SEMA6D: variants seen among roughly 807,000 people sequenced by gnomAD.
SEMA6D encodes semaphorin 6D, also known as semaphorin-6D.
SEMA6D carries 35 observed loss-of-function variants against 106.6 expected under a neutral mutation model. The observed-to-expected ratio is 0.33, with a 90% CI of 0.25 to 0.44. SEMA6D has a LOEUF of 0.44. Among genes scored for constraint, SEMA6D ranks in the 20% least tolerant of loss-of-function variants. SEMA6D has a pLI of 1.00. For missense variants in SEMA6D, 1,185 were observed against 1,345.9 expected (o/e 0.88, Z 1.87); for synonymous variants, 499 against 487.7 (o/e 1.02, Z -0.31).
rs2045205211 is a variant in SEMA6D at position 47,537,424 on chromosome 15, C to G, written c.-86-63441C>G. On this transcript the variant is annotated intron_variant, in intron 3 of 19. Coordinates refer to the SEMA6D transcript ENST00000558014. The stretch of plus-strand genomic sequence containing the variant: ...CAGGCTAAGTGGGAAGCAGTGCCTC[C>G]CTCTGCTTAGCTGAGGTGGCACTTA... Among the ~76,000 whole-genome samples the G allele has an allele frequency of 2.6e-5, 4 of 152,242 alleles. No individual in the cohort carries two copies. In the South Asian group the frequency reaches 8.3e-4, roughly 32 times the overall value.
At chr15:47,379,285 A>G (rs921448655) in intron 1 of SEMA6D, among the ~76,000 whole-genome samples, 6 of 152,236 alleles carry the variant, frequency 3.9e-5, no homozygotes, top group African/African-American at 1.4e-4. Context: ...GAAGGAAGAT[A>G]TCTGTGTATA....
chr15:47,398,108 G>A (rs2040278758), intron 1 of SEMA6D, among the ~76,000 whole-genome samples: 1 of 152,140 alleles, frequency 6.6e-6, no homozygotes, highest in Non-Finnish European at 1.5e-5. Context: ...CCAAGCCATA[G>A]CATTTGTGAC....
chr15:47,575,677 C>A (rs1252383413), intron 3 of SEMA6D, among the ~76,000 whole-genome samples: 1 of 152,070 alleles, frequency 6.6e-6, no homozygotes. Context: ...TGAGATTGCG[C>A]CACTGCACTC....
At chr15:47,429,397 A>T (rs894531652) in intron 2 of SEMA6D, among the ~76,000 whole-genome samples, 3 of 152,184 alleles carry the variant, frequency 2.0e-5, no homozygotes, top group African/African-American at 7.2e-5. Flanking sequence ...TTGTTATTAC[A>T]TATGGAAATG....
Position 47,761,313 on chromosome 15 carries a change from A to G in SEMA6D, c.346-17A>G. 2 of 1,610,676 alleles carry G rather than the reference A, an allele frequency of 1.2e-6. No individual in the cohort carries two copies. Among genetic ancestry groups the G allele is most frequent in the Non-Finnish European group, 1.7e-6 (2 of 1,178,064 alleles). ...TGTTCAAATGTCTAATATTAATGTAACTACTACTTTCTTTAGGATGAATGC... is the reference window on the plus strand; with the variant it reads ...TGTTCAAATGTCTAATATTAATGTAGCTACTACTTTCTTTAGGATGAATGC... On this transcript the variant is annotated splice_polypyrimidine_tract_variant and intron_variant, in intron 5 of 18. Transcript: ENST00000536845.
chr15:47,579,055 G>A (rs1481328800), intron 3 of SEMA6D, among the ~76,000 whole-genome samples: 1 of 152,106 alleles, frequency 6.6e-6, no homozygotes, highest in Admixed American at 6.5e-5. Context: ...TCTCACTGTG[G>A]TGTACATATG....
intron 2 of SEMA6D, among the ~76,000 whole-genome samples, chr15:47,420,963 T>A (rs758274181): frequency 7.9e-5 from 12 of 152,128 alleles, no homozygotes; most frequent in Non-Finnish European, 1.5e-4. Flanking sequence ...GGGGTTATCA[T>A]GAAGCATAAA....
chr15:47,547,451 G>T (rs1356722268), intron 3 of SEMA6D, among the ~76,000 whole-genome samples: 2 of 152,082 alleles, frequency 1.3e-5, no homozygotes, highest in Non-Finnish European at 2.9e-5. Context: ...TAATTTTTGT[G>T]AAATATCTCA....
At chr15:47,423,601 A>T (rs1014646350) in intron 2 of SEMA6D, among the ~76,000 whole-genome samples, 9 of 152,240 alleles carry the variant, frequency 5.9e-5, no homozygotes, top group East Asian at 5.8e-4. Context: ...AATACATAGG[A>T]TAAAGAAATC....
rs138020315 is a variant in SEMA6D, at chr15:47,598,204, A to G, written c.-86-2661A>G. Reference sequence around the variant, plus strand: ...TTCCATTTATGCAAACTGTATGTCTATTGGAAAAGGCCATTCCACACTCAA... The same window carrying G: ...TTCCATTTATGCAAACTGTATGTCTGTTGGAAAAGGCCATTCCACACTCAA... On this transcript the variant is annotated intron_variant, in intron 3 of 19. Transcript: ENST00000558014. Among the ~76,000 whole-genome samples, 99 of 152,176 alleles carry G rather than the reference A, an allele frequency of 6.5e-4. 1 individual carries two copies. Among genetic ancestry groups the G allele is most frequent in the Middle Eastern group, 6.8e-3 (2 of 294 alleles).
chr15:47,461,238 A>G (rs910047096), intron 2 of SEMA6D, among the ~76,000 whole-genome samples: 2 of 151,890 alleles, frequency 1.3e-5, no homozygotes, highest in African/African-American at 4.8e-5. Context: ...CCTGCACCTC[A>G]TCATCTCATC....
At chr15:47,238,545 T>G (rs891017768) in intron 1 of SEMA6D, among the ~76,000 whole-genome samples, 2 of 152,162 alleles carry the variant, frequency 1.3e-5, no homozygotes, top group Non-Finnish European at 2.9e-5. Flanking sequence ...TCCAATAGAT[T>G]GTGCTTTCCT....
chr15:47,680,401 T>G (rs2078329537), intron 4 of SEMA6D, among the ~76,000 whole-genome samples: 1 of 152,196 alleles, frequency 6.6e-6, no homozygotes, highest in Non-Finnish European at 1.5e-5. Flanking sequence ...TGAATCCTGC[T>G]CTGAGCCAAA....
chr15:47,697,315 A>G (rs1345339919), intron 4 of SEMA6D, among the ~76,000 whole-genome samples: 1 of 152,158 alleles, frequency 6.6e-6, no homozygotes, highest in African/African-American at 2.4e-5. Flanking sequence ...CTTGATAGGA[A>G]TTCTGGCGTT....
chr15:47,323,815 T>A (rs1227203051), intron 1 of SEMA6D, among the ~76,000 whole-genome samples: 1 of 152,166 alleles, frequency 6.6e-6, no homozygotes, highest in Admixed American at 6.5e-5. Context: ...ATGAAAATAA[T>A]TAACCTGTTT....
intron 3 of SEMA6D, among the ~76,000 whole-genome samples, chr15:47,508,524 G>GA (rs2044125257): frequency 6.6e-6 from 1 of 152,194 alleles, no homozygotes; most frequent in Non-Finnish European, 1.5e-5. Flanking sequence ...TCCCTGCTTA[G>GA]AATAGTTTAT....
chr15:47,627,405 G>A (rs950645807), intron 4 of SEMA6D, among the ~76,000 whole-genome samples: 1 of 152,024 alleles, frequency 6.6e-6, no homozygotes, highest in African/African-American at 2.4e-5. Context: ...TTTTAGTTTG[G>A]CCAAGGTTAA....
intron 1 of SEMA6D, among the ~76,000 whole-genome samples, chr15:47,372,784 G>T (rs1338249137): frequency 3.3e-5 from 5 of 152,178 alleles, no homozygotes; most frequent in Non-Finnish European, 5.9e-5. Context: ...ACTTATAAAT[G>T]TTATCCTACT....
chr15:47,382,949 T>G (rs1206805071), intron 1 of SEMA6D, among the ~76,000 whole-genome samples: 1 of 150,918 alleles, frequency 6.6e-6, no homozygotes, highest in Non-Finnish European at 1.5e-5. Context: ...TGTATTTTAA[T>G]AGAGACAGGT....
Sources: gnomAD v4.1 joint callset for allele counts (sites outside exome capture counted in the v4.1 genomes callset) on GRCh38, gnomAD v4.1.1 for gene constraint, MANE v1.5 for transcripts, NCBI Gene and HGNC (gene_info 2026-07-23, HGNC 2026-07-21) for gene names.